ZNF469: variants seen among roughly 807,000 people sequenced by gnomAD.
ZNF469 encodes the protein zinc finger protein 469.
Under a neutral mutation model 1.0 loss-of-function variants are expected in ZNF469, and 1 was observed. The observed-to-expected ratio is 1.00, with a 90% CI of 0.35 to 4.73. ZNF469 has a LOEUF of 4.73. Ranked by LOEUF, ZNF469 falls within the 30% of genes most tolerant of loss-of-function variation. The pLI is 0.16. For synonymous variants in ZNF469, 2,703 were observed against 2,363.4 expected, an observed-to-expected ratio of 1.14 and a Z score of -4.17; for missense variants, 6,100 against 5,356.3, an observed-to-expected ratio of 1.14 and a Z score of -4.33.
chr16:88,420,072 C>T (rs925916202), intron 1 of ZNF469, among the ~76,000 whole-genome samples: 2 of 152,246 alleles, frequency 1.3e-5, no homozygotes, highest in Admixed American at 6.5e-5. Context: ...GGGCCACACG[C>T]AGGTTCCATG....
At chr16:88,166,637 T>C in the ZNF469 span, among the ~76,000 whole-genome samples, 2 of 152,086 alleles carry the variant, frequency 1.3e-5, no homozygotes, top group Non-Finnish European at 2.9e-5. The surrounding 1 kb of genome is among the most constrained non-coding windows in gnomAD (Gnocchi z 4.5). Flanking sequence ...CAGAACTTCA[T>C]ATAAGCCAGA....
chr16:88,181,502 CAG>C, the ZNF469 span, among the ~76,000 whole-genome samples: 4 of 151,850 alleles, frequency 2.6e-5, no homozygotes, highest in African/African-American at 9.7e-5. Context: ...AGAATTAAGC[CAG>C]AAATTAATAG....
the ZNF469 span, among the ~76,000 whole-genome samples, chr16:88,105,222 CA>C: frequency 2.0e-5 from 3 of 151,014 alleles, no homozygotes; most frequent in Non-Finnish European, 3.0e-5. Context: ...GACCCTGTCA[CA>C]AAAAAGGAAA....
the ZNF469 span, among the ~76,000 whole-genome samples, chr16:88,155,656 A>G: frequency 6.6e-6 from 1 of 152,206 alleles, no homozygotes; most frequent in African/African-American, 2.4e-5. Context: ...TGTATGACTG[A>G]ATCATATTCC....
At chr16:88,324,780 G>C in the ZNF469 span, among the ~76,000 whole-genome samples, 1 of 152,220 alleles carries the variant, frequency 6.6e-6, no homozygotes, top group Non-Finnish European at 1.5e-5. Flanking sequence ...TCATGGTGCC[G>C]GTGGGTGTGT....
In ZNF469 at chr16:88,439,307, C is replaced by T; in HGVS notation, c.11837C>T (p.Pro3946Leu). ...FGQRLTGFKI[P>L]LKKDASE ...CAGAGACTAACTGGCTTCAAAATCC[C>T]TTTAAAGAAAGATGCTTCCGAGTAA... The change falls in exon 3 of 3, where the codon CCT (proline) becomes CTT (leucine). Residue 3946 changes from proline (P) to leucine (L), a missense_variant. Pro to Leu is a moderately conservative substitution (Grantham distance 98). Coordinates refer to ENST00000565624, the MANE Select transcript of ZNF469 (RefSeq NM_001367624.2). 6.5e-7 allele frequency: 1 copy of T among 1,550,382 alleles called. No homozygotes were observed. Among genetic ancestry groups the T allele is most frequent in the South Asian group, 1.2e-5 (1 of 84,058 alleles).
At chr16:88,321,792 A>G in the ZNF469 span, among the ~76,000 whole-genome samples, 2 of 152,078 alleles carry the variant, frequency 1.3e-5, no homozygotes, top group Non-Finnish European at 2.9e-5. Flanking sequence ...TTCTGTTGGT[A>G]AGGCCTCACC....
rs1218389633 is a variant in ZNF469 at position 88,440,204 on chromosome 16, ATGGGGGTAT to A, written c.*877_*885del. On this transcript the variant is annotated 3_prime_UTR_variant, in exon 3 of 3. Transcript: ENST00000565624. ...CAGGCTTCCTTGATTTTTTTTTTTA[ATGGGGGTAT>A]TGGGTGGGACAGACGGGGTCAGGGA... is the stretch of plus-strand genomic sequence containing the variant. The A allele has an allele frequency of 6.7e-6, 1 of 149,760 alleles. No individual in the cohort carries two copies. Among genetic ancestry groups the A allele is most frequent in the African/African-American group, 2.5e-5 (1 of 40,684 alleles). 9.3% of individuals were successfully genotyped at this position (149,760 alleles called of 1,614,324 possible). A position where few individuals can be genotyped will look rare whatever the true frequency, so the allele number is the denominator to read the frequency against.
At chr16:88,310,690 C>G in the ZNF469 span, among the ~76,000 whole-genome samples, 1 of 152,096 alleles carries the variant, frequency 6.6e-6, no homozygotes, top group Non-Finnish European at 1.5e-5. Context: ...TCAAGCGATT[C>G]TCCTGCCTCA....
At chr16:88,345,151 A>G in the ZNF469 span, among the ~76,000 whole-genome samples, 5 of 152,138 alleles carry the variant, frequency 3.3e-5, no homozygotes, top group Non-Finnish European at 5.9e-5. Context: ...CAGAGCCTGA[A>G]TTGTCCAGCC....
chr16:88,106,976 C>G, the ZNF469 span, among the ~76,000 whole-genome samples: 8 of 152,380 alleles, frequency 5.3e-5, no homozygotes, highest in Admixed American at 5.2e-4. Context: ...CCAGCTCAGC[C>G]TCATGGGGTG....
chr16:88,178,537 C>T, the ZNF469 span: 1 of 152,184 alleles, frequency 6.6e-6, no homozygotes, highest in Non-Finnish European at 1.5e-5. Flanking sequence ...CACAAGAGGA[C>T]ACTTCGATTT....
chr16:88,223,576 C>T, the ZNF469 span, among the ~76,000 whole-genome samples: 3 of 152,112 alleles, frequency 2.0e-5, no homozygotes, highest in Admixed American at 6.6e-5. Flanking sequence ...AGCACAAAGC[C>T]GAGTGAAGAA....
At chr16:88,368,348 A>G in the ZNF469 span, among the ~76,000 whole-genome samples, 1 of 152,266 alleles carries the variant, frequency 6.6e-6, no homozygotes, top group East Asian at 1.9e-4. Flanking sequence ...AGCCGGCAGC[A>G]GAGAACTCAG....
the ZNF469 span, among the ~76,000 whole-genome samples, chr16:88,265,451 C>A: frequency 1.2e-4 from 18 of 152,298 alleles, no homozygotes; most frequent in African/African-American, 3.8e-4. Flanking sequence ...GTCATGAGGG[C>A]TGCGGCACAG....
the ZNF469 span, among the ~76,000 whole-genome samples, chr16:88,176,509 G>A: frequency 6.6e-6 from 1 of 152,178 alleles, no homozygotes; most frequent in Non-Finnish European, 1.5e-5. Flanking sequence ...CCTGCCAGGA[G>A]CTTCTCCACT....
chr16:88,353,136 G>T, the ZNF469 span, among the ~76,000 whole-genome samples: 2 of 152,272 alleles, frequency 1.3e-5, no homozygotes, highest in South Asian at 4.2e-4. Flanking sequence ...ATGGTCCAGA[G>T]AATGCTGGTC....
the ZNF469 span, among the ~76,000 whole-genome samples, chr16:88,328,401 C>A: frequency 1.3e-5 from 2 of 152,352 alleles, no homozygotes; most frequent in East Asian, 3.9e-4. Flanking sequence ...TCTTCACAAC[C>A]TCCAGGGAGG....
At chr16:88,140,863 G>A in the ZNF469 span, among the ~76,000 whole-genome samples, 2 of 152,198 alleles carry the variant, frequency 1.3e-5, no homozygotes, top group Non-Finnish European at 2.9e-5. Context: ...AACCCAGGAG[G>A]CGGAGGTTGC....
Sources: allele counts gnomAD v4.1 joint callset (sites outside exome capture counted in the v4.1 genomes callset), GRCh38; gene constraint gnomAD v4.1.1; non-coding constraint Gnocchi (gnomAD v3.1); transcripts MANE v1.5; gene names NCBI Gene and HGNC (gene_info 2026-07-23, HGNC 2026-07-21).